The following GRIK5 variants were observed in gnomAD, a reference collection of about 807,000 sequenced individuals.
GRIK5 encodes glutamate receptor ionotropic, kainate 5.
GRIK5 carries 43 observed loss-of-function variants against 97.4 expected under a neutral mutation model. The ratio of observed to expected loss-of-function variants is 0.44; its 90% CI spans 0.35 to 0.57. The LOEUF (loss-of-function observed/expected upper bound fraction) is 0.57, where lower values mean the gene tolerates loss of function less well. GRIK5 is among the 20% of genes least tolerant of loss of function. The pLI, the probability that GRIK5 is intolerant of heterozygous loss-of-function variation, is 0.01. For missense variants in GRIK5, 1,015 were observed against 1,382.0 expected, an observed-to-expected ratio of 0.73 and a Z score of 4.21; for synonymous variants, 580 against 583.5, an observed-to-expected ratio of 0.99 and a Z score of 0.09.
chr19:42,046,794 G>A (rs1020139322), intron 11 of GRIK5, among the ~76,000 whole-genome samples: 3 of 152,130 alleles, frequency 2.0e-5, no homozygotes, highest in Non-Finnish European at 4.4e-5. Flanking sequence ...GAGACCCAGG[G>A]AAGGAAGGAA....
chr19:42,069,151 G>T, intron 1 of GRIK5, 90 bp downstream of exon 1: 1 of 402,216 alleles, frequency 2.5e-6, no homozygotes, highest in Non-Finnish European at 4.4e-6. Context: ...GGAGAACGGG[G>T]AGAATGTGGT....
intron 15 of GRIK5, among the ~76,000 whole-genome samples, chr19:42,011,477 C>T (rs1407771155): frequency 1.3e-5 from 2 of 150,168 alleles, no homozygotes; most frequent in Non-Finnish European, 3.0e-5. Context: ...GGCATGAACC[C>T]GGGAGGCGGA....
intron 12 of GRIK5, among the ~76,000 whole-genome samples, chr19:42,025,171 A>AGCACTTACCCCAT (rs2075754499): frequency 1.3e-5 from 2 of 152,254 alleles, no homozygotes; most frequent in Middle Eastern, 6.8e-3. Flanking sequence ...GCATGCACAC[A>AGCACTTACCCCAT]GCACTTACCC....
Position 42,005,853 on chromosome 19 carries a change from G to C in GRIK5, c.2133C>G (p.Arg711=). 1 of 1,611,456 alleles carries C rather than the reference G, an allele frequency of 6.2e-7. No homozygotes were observed. The highest frequency in any genetic ancestry group is 8.5e-7 in the Non-Finnish European group (1 of 1,177,644). The change falls in exon 17 of 20, where the codon CGC becomes CGG. Residue 711 remains arginine (R), a synonymous_variant. Transcript: ENST00000593562. The part of the protein sequence containing the change: ...FVKSTEEGIA[R]VLNSRYAFLL... ...GGAAGGCGTAGCGGGAGTTGAGGAC[G>C]CGGGCAATGCCCTCTTCTGTGCTCT...
In GRIK5 at chr19:42,006,586, G is replaced by C; in HGVS notation, c.2037+59C>G. On this transcript the variant is annotated intron_variant, in intron 16 of 19. Transcript: ENST00000593562. The surrounding 1 kb of genome is among the most constrained non-coding windows in gnomAD (Gnocchi z 5.3). ...AGGAGACCCTGCCCAGACCCATCCTGAGCTGCTTTGCATGGCAGGGATCCC... is the reference window on the plus strand; with the variant it reads ...AGGAGACCCTGCCCAGACCCATCCTCAGCTGCTTTGCATGGCAGGGATCCC... 6.7e-7 allele frequency: 1 copy of C among 1,492,770 alleles called. No individual in the cohort carries two copies. The highest frequency in any genetic ancestry group is 9.3e-7 in the Non-Finnish European group (1 of 1,073,704). 92.5% of individuals were successfully genotyped at this position (1,492,770 alleles called of 1,614,324 possible).
intron 12 of GRIK5, among the ~76,000 whole-genome samples, chr19:42,032,218 C>T (rs2075848260): frequency 6.6e-6 from 1 of 152,206 alleles, no homozygotes. Context: ...AATTATGGTA[C>T]ATCCACATGG....
In GRIK5 at chr19:41,998,336, CT is replaced by C. The variant is rs1198908314; in HGVS notation, c.*534del. Reference sequence around the variant, plus strand: ...GTATCCCCAGTTCTGGGGTTTTGTTCTTTTTTTTATTCCAACAGGGGCTGCG... The same window carrying C: ...GTATCCCCAGTTCTGGGGTTTTGTTCTTTTTTTATTCCAACAGGGGCTGCG... On this transcript the variant is annotated 3_prime_UTR_variant, in exon 20 of 20. Coordinates refer to ENST00000593562, the MANE Select transcript of GRIK5 (RefSeq NM_002088.5). 8.5e-5 allele frequency: 13 copies of C among 152,366 alleles called. No individual in the cohort carries two copies. The highest frequency in any genetic ancestry group is 2.7e-4 in the African/African-American group (11 of 41,436). 9.4% of individuals were successfully genotyped at this position (152,366 alleles called of 1,614,324 possible).
chr19:42,001,522 C>G (rs1309274463), intron 19 of GRIK5, among the ~76,000 whole-genome samples: 1 of 152,188 alleles, frequency 6.6e-6, no homozygotes, highest in Non-Finnish European at 1.5e-5. Flanking sequence ...AGCCACCACA[C>G]CTGGGCAAAA....
Position 42,006,012 on chromosome 19 carries a change from C to T in GRIK5, c.2038-64G>A. 1 of 815,784 alleles carries T rather than the reference C, an allele frequency of 1.2e-6. No individual in the cohort carries two copies. The highest frequency in any genetic ancestry group is 2.0e-5 in the Admixed American group (1 of 49,692). The allele number at this position is 815,784 out of a possible 1,614,324, so 50.5% of individuals were successfully genotyped here. On this transcript the variant is annotated intron_variant, in intron 16 of 19. Coordinates refer to ENST00000593562, the MANE Select transcript of GRIK5 (RefSeq NM_002088.5). This position sits in a 1 kb window ranked among gnomAD's most constrained non-coding sequence, Gnocchi z 5.3. ...TTCCAGCCGCTTCCTTTCCCCGAGC[C>T]CTTCCCATCCTCCAGGAAGTCTCCC...
intron 17 of GRIK5, among the ~76,000 whole-genome samples, chr19:42,005,237 C>CAAAAAAAAAAA (rs56825931): frequency 2.3e-5 from 2 of 88,750 alleles, no homozygotes; most frequent in African/African-American, 4.7e-5. Context: ...GACTCCGTCT[C>CAAAAAAAAAAA]AAAAAAAAAA....
At chr19:42,025,037 T>C (rs1364981413) in intron 12 of GRIK5, among the ~76,000 whole-genome samples, 3 of 152,230 alleles carry the variant, frequency 2.0e-5, no homozygotes, top group African/African-American at 7.2e-5. Flanking sequence ...GGATCTGCTG[T>C]GTCTCATGTC....
chr19:42,053,788 C>T (rs747413544), intron 10 of GRIK5, 37 bp downstream of exon 10: 1 of 1,564,726 alleles, frequency 6.4e-7, no homozygotes. Flanking sequence ...CCACCCTCAC[C>T]CCAGCAGGGC....
chr19:42,065,834 C>G lies in GRIK5; in HGVS notation c.-50-14G>C. On this transcript the variant is annotated splice_polypyrimidine_tract_variant and intron_variant, in intron 1 of 19. Transcript: ENST00000593562. The surrounding 1 kb of genome is among the most constrained non-coding windows in gnomAD (Gnocchi z 5.8). ...CCCACTCGCCACCTGCAGGGAGACCCCCCAGACCAAGGGGAGATTACTATG... is the reference window on the plus strand; with the variant it reads ...CCCACTCGCCACCTGCAGGGAGACCGCCCAGACCAAGGGGAGATTACTATG... The G allele has an allele frequency of 1.5e-6, 2 of 1,336,112 alleles. No individual in the cohort carries two copies. 82.8% of individuals were successfully genotyped at this position (1,336,112 alleles called of 1,614,324 possible).
Position 42,022,483 on chromosome 19 carries a change from G to C in GRIK5, c.1474-129C>G. On this transcript the variant is annotated intron_variant, in intron 12 of 19. Coordinates refer to ENST00000593562, the MANE Select transcript of GRIK5 (RefSeq NM_002088.5). The surrounding 1 kb of genome is among the most constrained non-coding windows in gnomAD (Gnocchi z 4.2). ...GAGAGAGAGAGGTAGGGAGGGGGAG[G>C]GGCCAGGAGCATGGACTGACTCCAG... The C allele has an allele frequency of 6.8e-7, 1 of 1,475,166 alleles. No homozygotes were observed. The highest frequency in any genetic ancestry group is 9.0e-7 in the Non-Finnish European group (1 of 1,112,802). 91.4% of individuals were successfully genotyped at this position (1,475,166 alleles called of 1,614,324 possible). A position where few individuals can be genotyped will look rare whatever the true frequency, so the allele number is the denominator to read the frequency against.
At chr19:42,061,115 T>G (rs920616152) in intron 5 of GRIK5, among the ~76,000 whole-genome samples, 1 of 152,190 alleles carries the variant, frequency 6.6e-6, no homozygotes, top group African/African-American at 2.4e-5. Context: ...TGGCGTGATC[T>G]CAGCTCACTG....
At chr19:42,020,731 CAAAT>C (rs2075685987) in intron 15 of GRIK5, among the ~76,000 whole-genome samples, 1 of 152,156 alleles carries the variant, frequency 6.6e-6, no homozygotes, top group Non-Finnish European at 1.5e-5. Context: ...TGACAGTTTA[CAAAT>C]GCCATGGCAA....
chr19:42,065,327 G>C lies in GRIK5; in HGVS notation c.140C>G (p.Ala47Gly). Reference protein sequence around the residue: ...GRGERLALALAREQINGIIEV... With the variant: ...GRGERLALALGREQINGIIEV... ...GATGATCCCGTTGATCTGCTCCCGG[G>C]CCAAGGCCAAGGCCAGACGCTCACC... Residue 47 changes from alanine to glycine, a missense_variant, in exon 3 of 20, where the codon GCC (alanine) becomes GGC (glycine). Physicochemically the swap from Ala to Gly is moderately conservative, Grantham distance 60 (BLOSUM62 0). Coordinates refer to ENST00000593562, the MANE Select transcript of GRIK5 (RefSeq NM_002088.5). The surrounding 1 kb of genome is among the most constrained non-coding windows in gnomAD (Gnocchi z 5.8). 1 of 1,610,344 alleles carries C rather than the reference G, an allele frequency of 6.2e-7. No individual in the cohort carries two copies. Among genetic ancestry groups the C allele is most frequent in the Non-Finnish European group, 8.5e-7 (1 of 1,178,618 alleles).
rs140253099 is a variant in GRIK5 at position 42,044,303 on chromosome 19, A to G, written c.1270-1548T>C. Among the ~76,000 whole-genome samples the G allele has an allele frequency of 1.7e-3, 266 of 152,342 alleles. 1 individual carries two copies. The highest frequency in any genetic ancestry group is 6.0e-3 in the African/African-American group (248 of 41,584). ...AGTTCTTTACAGCAGTATGAAAATG[A>G]ACTAATACAGCAACCAATTCAAATT... On this transcript the variant is annotated intron_variant, in intron 11 of 19. Coordinates refer to ENST00000593562, the MANE Select transcript of GRIK5 (RefSeq NM_002088.5).
intron 15 of GRIK5, among the ~76,000 whole-genome samples, chr19:42,012,695 C>T (rs183600596): frequency 6.6e-6 from 1 of 151,538 alleles, no homozygotes; most frequent in Non-Finnish European, 1.5e-5. Flanking sequence ...GGCAACATGG[C>T]GAAACCCTAT....
Sources: allele counts gnomAD v4.1 joint callset (sites outside exome capture counted in the v4.1 genomes callset), GRCh38; gene constraint gnomAD v4.1.1; non-coding constraint Gnocchi (gnomAD v3.1); transcripts MANE v1.5; gene names NCBI Gene and HGNC (gene_info 2026-07-23, HGNC 2026-07-21).